CNTN2: variants seen among roughly 807,000 people sequenced by gnomAD.
CNTN2 encodes the protein contactin 2, also known as contactin-2.
In CNTN2, 53 loss-of-function variants were observed where a neutral mutation model predicts 117.5. The ratio of observed to expected loss-of-function variants is 0.45; its 90% CI spans 0.36 to 0.57. The LOEUF is 0.57. Ranked by LOEUF, CNTN2 falls within the 20% of genes least tolerant of loss-of-function variation. The pLI, the probability that CNTN2 is intolerant of heterozygous loss-of-function variation, is 0.00. For missense variants in CNTN2, 1,106 were observed against 1,404.3 expected (o/e 0.79, Z 3.39); for synonymous variants, 530 against 561.7 (o/e 0.94, Z 0.80).
intron 2 of CNTN2, among the ~76,000 whole-genome samples, chr1:205,054,520 G>A (rs2096457989): frequency 6.6e-6 from 1 of 152,224 alleles, no homozygotes; most frequent in Non-Finnish European, 1.5e-5. Context: ...ACGGAGCAGA[G>A]GGGAGGCGCC....
intron 1 of CNTN2, among the ~76,000 whole-genome samples, chr1:205,046,925 A>C (rs1228294101): frequency 6.6e-6 from 1 of 152,130 alleles, no homozygotes; most frequent in African/African-American, 2.4e-5. Flanking sequence ...CCTACTTTAA[A>C]GGGTCTCTCT....
chr1:205,066,328 T>C (rs1252640570), intron 14 of CNTN2, 113 bp from the exon 15 acceptor site: 42 of 1,318,666 alleles, frequency 3.2e-5, no homozygotes, highest in Non-Finnish European at 4.2e-5. Context: ...GTTCACTGCA[T>C]CCTCTGCTGC....
chr1:205,047,297 C>T (rs977557704), intron 1 of CNTN2, among the ~76,000 whole-genome samples: 7 of 152,112 alleles, frequency 4.6e-5, no homozygotes, highest in African/African-American at 1.7e-4. Flanking sequence ...CTGCCAGCTG[C>T]AGCCTGGCCT....
chr1:205,061,444 C>T lies in CNTN2; in HGVS notation c.973+24C>T, dbSNP rs773107711. 41 of 1,555,052 alleles carry T rather than the reference C, an allele frequency of 2.6e-5. No homozygotes were observed. Among genetic ancestry groups the T allele is most frequent in the Non-Finnish European group, 3.4e-5 (39 of 1,145,074 alleles). ...GGGTACAGAGCCAGGGACACCTTCT[C>T]CGCCCCTCCCGACCCCCCTTCCCGC... On this transcript the variant is annotated intron_variant, in intron 8 of 22. Coordinates refer to ENST00000331830, the MANE Select transcript of CNTN2 (RefSeq NM_005076.5). This position sits in a 1 kb window ranked among gnomAD's most constrained non-coding sequence, Gnocchi z 4.8.
At position 205,061,755 on chromosome 1, in the gene CNTN2, G is replaced by A. The variant is rs1232084549; in HGVS notation, c.974-110G>A. On this transcript the variant is annotated intron_variant, in intron 8 of 22. Coordinates refer to ENST00000331830, the MANE Select transcript of CNTN2 (RefSeq NM_005076.5). This position sits in a 1 kb window ranked among gnomAD's most constrained non-coding sequence, Gnocchi z 4.8. ...TCCTCTCCATCTCAGAATGCTCATG[G>A]CGCCCTCTGCTGTCTGGCACAGGTG... is the stretch of plus-strand genomic sequence containing the variant. 1.6e-5 allele frequency: 22 copies of A among 1,349,506 alleles called. No homozygotes were observed. Among genetic ancestry groups the A allele is most frequent in the Non-Finnish European group, 2.1e-5 (21 of 1,001,870 alleles). The allele number at this position is 1,349,506 out of a possible 1,614,324, so 83.6% of individuals were successfully genotyped here.
At chr1:205,052,530 G>A (rs529577095) in intron 1 of CNTN2, among the ~76,000 whole-genome samples, 1 of 152,288 alleles carries the variant, frequency 6.6e-6, no homozygotes, top group South Asian at 2.1e-4. Context: ...ATTGCTAATG[G>A]GGCCAAGGTC....
intron 19 of CNTN2, among the ~76,000 whole-genome samples, chr1:205,071,365 A>G (rs916137637): frequency 6.6e-6 from 1 of 152,150 alleles, no homozygotes; most frequent in South Asian, 2.1e-4. Context: ...GCAAGAAGAA[A>G]CCATCAAGCT....
At chr1:205,055,833 G>C (rs1254165374) in intron 2 of CNTN2, among the ~76,000 whole-genome samples, 1 of 152,160 alleles carries the variant, frequency 6.6e-6, no homozygotes, top group Non-Finnish European at 1.5e-5. Context: ...TTGTAAAGAG[G>C]TTATGAGAAG....
At position 205,073,089 on chromosome 1, in the gene CNTN2, C is replaced by T; in HGVS notation, c.2866C>T (p.His956Tyr). The T allele has an allele frequency of 6.2e-7, 1 of 1,614,144 alleles. No individual in the cohort carries two copies. The highest frequency in any genetic ancestry group is 8.5e-7 in the Non-Finnish European group (1 of 1,179,998). Residue 956 changes from histidine to tyrosine, a missense_variant, in exon 22 of 23, where the codon CAC (histidine) becomes TAC (tyrosine). Transcript: ENST00000331830. This position sits in a 1 kb window ranked among gnomAD's most constrained non-coding sequence, Gnocchi z 6.3. ...ACAGATGCTGTACCAGAATGACTTA[C>T]ACCTGACTCCCACGCTCCACCTCAC... ...GYKMLYQNDL[H>Y]LTPTLHLTGK...
Position 205,058,110 on chromosome 1 carries a change from G to A in CNTN2, c.215+45G>A, listed in dbSNP as rs765169365. 2 of 1,605,114 alleles carry A rather than the reference G, an allele frequency of 1.2e-6. No individual in the cohort carries two copies. Among genetic ancestry groups the A allele is most frequent in the Non-Finnish European group, 1.7e-6 (2 of 1,175,640 alleles). Reference sequence around the variant, plus strand: ...TGCTGGGAGGCCCTGGGCAGCCGTTGAACTTTCCCTCTCATCAGCCCTGCC... The same window carrying A: ...TGCTGGGAGGCCCTGGGCAGCCGTTAAACTTTCCCTCTCATCAGCCCTGCC... On this transcript the variant is annotated intron_variant, in intron 3 of 22. Coordinates refer to ENST00000331830, the MANE Select transcript of CNTN2 (RefSeq NM_005076.5). This position sits in a 1 kb window ranked among gnomAD's most constrained non-coding sequence, Gnocchi z 4.3.
chr1:205,066,628 C>T (rs1405260448), intron 15 of CNTN2, 29 bp downstream of exon 15: 1 of 1,610,388 alleles, frequency 6.2e-7, no homozygotes, highest in South Asian at 1.1e-5. Flanking sequence ...TGGGTCAGTG[C>T]TGATAAGGCT....
At position 205,074,261 on chromosome 1, in the gene CNTN2, C is replaced by A. The variant is rs1654750819; in HGVS notation, c.*496C>A. 2.5e-6 allele frequency: 1 copy of A among 406,962 alleles called. No homozygotes were observed. The highest frequency in any genetic ancestry group is 4.3e-6 in the Non-Finnish European group (1 of 230,466). The allele number at this position is 406,962 out of a possible 1,614,324, so 25.2% of individuals were successfully genotyped here. On this transcript the variant is annotated 3_prime_UTR_variant, in exon 23 of 23. Transcript: ENST00000331830. ...AGCCCTGGGACCAAGAGCTCTCCCG[C>A]CTTCTCCCTCGAGCAGCAGCAAGGA...
chr1:205,057,752 CAT>C, intron 2 of CNTN2, 167 bp from the exon 3 acceptor site: 1 of 604,180 alleles, frequency 1.7e-6, no homozygotes, highest in Non-Finnish European at 2.9e-6. Flanking sequence ...GCAATAGCCA[CAT>C]GTCAAGTGCT....
chr1:205,058,989 G>T lies in CNTN2; in HGVS notation c.488-95G>T. ...TCAGAGCATGGTGGCTGTCAGGACA[G>T]GGCTTGCAGAACCGCACCAGCATGC... On this transcript the variant is annotated intron_variant, in intron 5 of 22. Transcript: ENST00000331830. This position sits in a 1 kb window ranked among gnomAD's most constrained non-coding sequence, Gnocchi z 4.3. 9.1e-7 allele frequency: 1 copy of T among 1,102,180 alleles called. No homozygotes were observed. Among genetic ancestry groups the T allele is most frequent in the Non-Finnish European group, 1.4e-6 (1 of 740,368 alleles). 68.3% of individuals were successfully genotyped at this position (1,102,180 alleles called of 1,614,324 possible). A position where few individuals can be genotyped will look rare whatever the true frequency, so the allele number is the denominator to read the frequency against.
chr1:205,070,462 G>A lies in CNTN2; in HGVS notation c.2468G>A (p.Gly823Glu), dbSNP rs778310238. The A allele has an allele frequency of 6.2e-7, 1 of 1,613,978 alleles. No individual in the cohort carries two copies. The highest frequency in any genetic ancestry group is 8.5e-7 in the Non-Finnish European group (1 of 1,179,958). Residue 823 changes from glycine (G) to glutamate (E), a missense_variant, in exon 19 of 23, where the codon GGG becomes GAG. Coordinates refer to ENST00000331830, the MANE Select transcript of CNTN2 (RefSeq NM_005076.5). ...RVAPTKVWAK[G>E]VSSSEMNVTW... ...GCCCCTACCAAGGTGTGGGCCAAAG[G>A]GGTCTCATCCTCAGAGATGAACGTG...
Position 205,074,358 on chromosome 1 carries a change from G to A in CNTN2, c.*593G>A, listed in dbSNP as rs1558558720. On this transcript the variant is annotated 3_prime_UTR_variant, in exon 23 of 23. Transcript: ENST00000331830. ...AGCGGCTGAGAACCAGCGCCCCGATGCCTGAGGCTGGGAGCCTGAGCCCCT... is the reference window on the plus strand; with the variant it reads ...AGCGGCTGAGAACCAGCGCCCCGATACCTGAGGCTGGGAGCCTGAGCCCCT... The A allele has an allele frequency of 2.5e-6, 1 of 400,304 alleles. No individual in the cohort carries two copies. The highest frequency in any genetic ancestry group is 4.4e-6 in the Non-Finnish European group (1 of 226,968). The allele number at this position is 400,304 out of a possible 1,614,324, so 24.8% of individuals were successfully genotyped here.
At chr1:205,047,564 T>C (rs1011968602) in intron 1 of CNTN2, among the ~76,000 whole-genome samples, 1 of 152,086 alleles carries the variant, frequency 6.6e-6, no homozygotes, top group Non-Finnish European at 1.5e-5. Flanking sequence ...CAGGTATAAC[T>C]CTGGCATGGG....
intron 1 of CNTN2, among the ~76,000 whole-genome samples, chr1:205,050,776 G>A (rs2096451325): frequency 2.0e-5 from 3 of 152,232 alleles, no homozygotes; most frequent in African/African-American, 7.2e-5. Flanking sequence ...CTGCCACCAT[G>A]CCCAGCAAAT....
rs200529015 is a variant in CNTN2 at position 205,069,948 on chromosome 1, A to G, written c.2318A>G (p.Tyr773Cys). The change falls in exon 18 of 23, where the codon TAC (tyrosine) becomes TGC (cysteine). Residue 773 changes from tyrosine (Y) to cysteine (C), a missense_variant. Transcript: ENST00000331830. ...GGCGCCGATGCCCAGTACTTTGTCT[A>G]CAGCAACGAGAGCGTCCGGCCCTAC... ...VPGADAQYFV[Y>C]SNESVRPYTP... 4 of 1,613,766 alleles carry G rather than the reference A, an allele frequency of 2.5e-6. No individual in the cohort carries two copies. In the East Asian group the frequency reaches 6.7e-5, roughly 27 times the overall value.
Sources: allele counts gnomAD v4.1 joint callset (sites outside exome capture counted in the v4.1 genomes callset), GRCh38; gene constraint gnomAD v4.1.1; non-coding constraint Gnocchi (gnomAD v3.1); transcripts MANE v1.5; gene names NCBI Gene and HGNC (gene_info 2026-07-23, HGNC 2026-07-21).